FAM227B: variants seen among roughly 807,000 people sequenced by gnomAD.
FAM227B encodes the protein family with sequence similarity 227 member B, also known as protein FAM227B.
FAM227B carries 88 observed loss-of-function variants against 73.8 expected under a neutral mutation model. The observed-to-expected ratio is 1.19, with a 90% confidence interval of 1.00 to 1.42. The LOEUF (loss-of-function observed/expected upper bound fraction) is 1.42. Among genes scored for constraint, FAM227B ranks in the 40% most tolerant of loss-of-function variants. The pLI, the probability that FAM227B is intolerant of heterozygous loss-of-function variation, is 0.00. For synonymous variants in FAM227B, 210 were observed against 190.5 expected (o/e 1.10, Z -0.84); for missense variants, 632 against 590.9 (o/e 1.07, Z -0.72).
intron 13 of FAM227B, 151 bp downstream of exon 13, chr15:49,367,297 C>G: frequency 1.6e-6 from 1 of 641,814 alleles, no homozygotes; most frequent in South Asian, 4.2e-5. Flanking sequence ...AACATACTAC[C>G]AAAGTTTTAA....
chr15:49,527,049 TCAC>T (rs80354605), intron 10 of FAM227B, among the ~76,000 whole-genome samples: 40,067 of 151,450 alleles, frequency 0.26, 5,516 homozygotes, highest in East Asian at 0.38. Context: ...AAAACCAGTA[TCAC>T]CCAGTACCAA....
At chr15:49,564,301 A>G (rs1331284536) in intron 9 of FAM227B, among the ~76,000 whole-genome samples, 1 of 152,106 alleles carries the variant, frequency 6.6e-6, no homozygotes, top group African/African-American at 2.4e-5. Context: ...TCTCACATCA[A>G]TCTGAGTGTG....
intron 2 of FAM227B, among the ~76,000 whole-genome samples, chr15:49,612,857 T>C (rs2078032932): frequency 6.6e-6 from 1 of 152,168 alleles, no homozygotes; most frequent in African/African-American, 2.4e-5. Context: ...ATATGATGAA[T>C]ATAAGAAAAT....
chr15:49,397,035 G>T (rs953920067), intron 11 of FAM227B, among the ~76,000 whole-genome samples: 1 of 152,286 alleles, frequency 6.6e-6, no homozygotes, highest in East Asian at 1.9e-4. Context: ...GGCTTCAGAT[G>T]ATCAAATTAC....
intron 11 of FAM227B, among the ~76,000 whole-genome samples, chr15:49,405,022 T>A (rs978150817): frequency 6.6e-6 from 1 of 152,154 alleles, no homozygotes; most frequent in South Asian, 2.1e-4. Flanking sequence ...GCTAGTTTGA[T>A]GAGAAATGAA....
intron 11 of FAM227B, chr15:49,424,231 G>A: frequency 7.2e-7 from 1 of 1,394,944 alleles, no homozygotes; most frequent in Non-Finnish European, 1.0e-6. Context: ...AATGACCTAG[G>A]AGTAACAATC....
At chr15:49,558,428 C>A (rs2073944872) in intron 9 of FAM227B, among the ~76,000 whole-genome samples, 1 of 152,230 alleles carries the variant, frequency 6.6e-6, no homozygotes, top group African/African-American at 2.4e-5. Flanking sequence ...ATGTGCCCCA[C>A]AGCTGCCAGT....
chr15:49,612,822 T>C (rs1276863880), intron 2 of FAM227B, among the ~76,000 whole-genome samples: 3 of 152,120 alleles, frequency 2.0e-5, no homozygotes, highest in Non-Finnish European at 2.9e-5. Context: ...ATATTTGAAT[T>C]GGGGGATATT....
chr15:49,406,978 CAGG>C (rs2048558130), intron 11 of FAM227B, among the ~76,000 whole-genome samples: 1 of 152,040 alleles, frequency 6.6e-6, no homozygotes, highest in Non-Finnish European at 1.5e-5. Flanking sequence ...GCTGGAGGCC[CAGG>C]AGAAGCCAGC....
chr15:49,554,981 T>C (rs1009272581), intron 9 of FAM227B, among the ~76,000 whole-genome samples: 4 of 152,144 alleles, frequency 2.6e-5, no homozygotes, highest in African/African-American at 9.7e-5. Context: ...TATCACTGTA[T>C]GTGAGATTGG....
intron 4 of FAM227B, among the ~76,000 whole-genome samples, chr15:49,588,565 AT>A (rs2076323420): frequency 4.4e-5 from 3 of 68,724 alleles, no homozygotes; most frequent in Admixed American, 1.2e-4. Flanking sequence ...ATATATATAT[AT>A]ATATATATAT....
chr15:49,360,257 T>C (rs1567148570), intron 13 of FAM227B, among the ~76,000 whole-genome samples: 1 of 150,832 alleles, frequency 6.6e-6, no homozygotes, highest in Non-Finnish European at 1.5e-5. Context: ...AAAAAAAGTC[T>C]GTGTATGCAT....
intron 11 of FAM227B, among the ~76,000 whole-genome samples, chr15:49,465,888 T>C (rs1027871083): frequency 8.5e-5 from 13 of 152,190 alleles, no homozygotes; most frequent in Admixed American, 1.3e-4. Context: ...GACACACTAC[T>C]TAATATGGTG....
intron 3 of FAM227B, among the ~76,000 whole-genome samples, chr15:49,595,732 G>C (rs943871873): frequency 2.5e-4 from 37 of 148,932 alleles, no homozygotes; most frequent in African/African-American, 8.7e-4. Flanking sequence ...ACAGAATATG[G>C]ACAACAAAAA....
At chr15:49,398,011 T>C (rs1314691822) in intron 11 of FAM227B, among the ~76,000 whole-genome samples, 1 of 152,132 alleles carries the variant, frequency 6.6e-6, no homozygotes, top group Non-Finnish European at 1.5e-5. Flanking sequence ...TAACTTTAAA[T>C]GTAAATGGAC....
chr15:49,610,911 A>G (rs2077867307), intron 3 of FAM227B, among the ~76,000 whole-genome samples: 1 of 152,196 alleles, frequency 6.6e-6, no homozygotes, highest in South Asian at 2.1e-4. Flanking sequence ...AAGTAAGCAT[A>G]ACTGTTGGAT....
chr15:49,347,274 AAATT>A lies in FAM227B; in HGVS notation c.1272-11782_1272-11779del, dbSNP rs371421987. On this transcript the variant is annotated intron_variant, in intron 13 of 15. Coordinates refer to ENST00000299338, the MANE Select transcript of FAM227B (RefSeq NM_152647.3). ...AGAGACATGGTGTTTTGCCCTTAAG[AAATT>A]AGTAAGAATAAGAAGTGACAACATT... is the stretch of plus-strand genomic sequence containing the variant. Among the ~76,000 whole-genome samples, 966 of 152,336 alleles carry A rather than the reference AAATT, an allele frequency of 6.3e-3. 14 individuals carry two copies. The highest frequency in any genetic ancestry group is 0.022 in the African/African-American group (910 of 41,582).
At chr15:49,471,651 C>G (rs1180817710) in intron 11 of FAM227B, among the ~76,000 whole-genome samples, 1 of 151,940 alleles carries the variant, frequency 6.6e-6, no homozygotes, top group African/African-American at 2.4e-5. Context: ...ATTTTCTAAT[C>G]AAGAATGGCG....
chr15:49,395,888 G>C (rs186394772), intron 11 of FAM227B: 5 of 454,188 alleles, frequency 1.1e-5, no homozygotes, highest in Non-Finnish European at 1.8e-5. Context: ...CATGGCTGAG[G>C]ATTCAGAAAC....
Sources: gnomAD v4.1 joint callset for allele counts (sites outside exome capture counted in the v4.1 genomes callset) on GRCh38, gnomAD v4.1.1 for gene constraint, MANE v1.5 for transcripts, NCBI Gene and HGNC (gene_info 2026-07-23, HGNC 2026-07-21) for gene names.